The following CCDC85A variants were observed in gnomAD, a reference collection of about 807,000 sequenced individuals.
The protein encoded by CCDC85A is coiled-coil domain containing 85A.
In CCDC85A, 38 loss-of-function variants were observed where a neutral mutation model predicts 50.2. That is an observed-to-expected ratio of 0.76 (90% CI 0.58 to 0.99). The LOEUF (loss-of-function observed/expected upper bound fraction) is 0.99, where lower values mean the gene tolerates loss of function less well. Among genes scored for constraint, CCDC85A ranks in the 50% least tolerant of loss-of-function variants. The pLI is 0.00. For missense variants in CCDC85A, 820 were observed against 742.0 expected (o/e 1.11, Z -1.22); for synonymous variants, 366 against 301.4 (o/e 1.21, Z -2.22).
At chr2:56,266,515 A>G (rs1670446992) in intron 2 of CCDC85A, among the ~76,000 whole-genome samples, 1 of 150,960 alleles carries the variant, frequency 6.6e-6, no homozygotes, top group Non-Finnish European at 1.5e-5. Context: ...CACAATGTAT[A>G]GATGTATCAA....
intron 2 of CCDC85A, among the ~76,000 whole-genome samples, chr2:56,260,871 G>T (rs997663123): frequency 2.0e-5 from 3 of 152,126 alleles, no homozygotes; most frequent in Admixed American, 2.0e-4. Flanking sequence ...TCTCTCTATT[G>T]CTTGAGGGAG....
chr2:56,285,896 G>C (rs889373747), intron 2 of CCDC85A, among the ~76,000 whole-genome samples: 1 of 151,920 alleles, frequency 6.6e-6, no homozygotes, highest in Non-Finnish European at 1.5e-5. Context: ...TTGTAGTACA[G>C]GTCTGTTGGA....
intron 1 of CCDC85A, among the ~76,000 whole-genome samples, chr2:56,190,467 A>G (rs1001154126): frequency 3.3e-5 from 5 of 152,194 alleles, no homozygotes; most frequent in African/African-American, 1.2e-4. Flanking sequence ...TCTAGAGAAG[A>G]TGTAGTCTAG....
At chr2:56,338,846 A>G (rs974141) in intron 2 of CCDC85A, among the ~76,000 whole-genome samples, 1,731 of 152,070 alleles carry the variant, frequency 0.011, 25 homozygotes, top group African/African-American at 0.033. Context: ...TTCCAGAAAA[A>G]TATTTTTCTA....
chr2:56,344,528 A>G (rs1016014772), intron 3 of CCDC85A, among the ~76,000 whole-genome samples: 2 of 152,196 alleles, frequency 1.3e-5, no homozygotes, highest in African/African-American at 2.4e-5. Flanking sequence ...TAAGGGTGGA[A>G]TTCTGTACTT....
chr2:56,309,447 T>C (rs1672592172), intron 2 of CCDC85A, among the ~76,000 whole-genome samples: 1 of 152,192 alleles, frequency 6.6e-6, no homozygotes, highest in African/African-American at 2.4e-5. Context: ...TTTTATGGTA[T>C]AGTGATAGTT....
intron 2 of CCDC85A, among the ~76,000 whole-genome samples, chr2:56,315,735 A>T (rs1047361038): frequency 5.9e-5 from 9 of 152,222 alleles, no homozygotes; most frequent in Admixed American, 3.3e-4. Context: ...GATAGGTGGG[A>T]TTTGTAAATT....
chr2:56,378,133 A>G (rs1676425060), intron 5 of CCDC85A, among the ~76,000 whole-genome samples: 1 of 152,186 alleles, frequency 6.6e-6, no homozygotes, highest in African/African-American at 2.4e-5. Flanking sequence ...TATAAGAAAA[A>G]GAAATTATGG....
intron 2 of CCDC85A, among the ~76,000 whole-genome samples, chr2:56,274,626 A>G (rs1351310514): frequency 6.6e-6 from 1 of 152,200 alleles, no homozygotes; most frequent in Non-Finnish European, 1.5e-5. Flanking sequence ...TACATTCACA[A>G]TACCTTCACA....
At chr2:56,214,497 T>C (rs971779457) in intron 2 of CCDC85A, among the ~76,000 whole-genome samples, 1 of 152,012 alleles carries the variant, frequency 6.6e-6, no homozygotes. Context: ...GATTTTGCAG[T>C]GTACGTTTAG....
At position 56,356,081 on chromosome 2, in the gene CCDC85A, A is replaced by G. The variant is rs1037751354; in HGVS notation, c.1317+13126A>G. Reference sequence around the variant, plus strand: ...TCATATGTGATGAAATTTAATATCTATAACTACAGAAATCTCATAAGAGGA... The same window carrying G: ...TCATATGTGATGAAATTTAATATCTGTAACTACAGAAATCTCATAAGAGGA... On this transcript the variant is annotated intron_variant, in intron 3 of 5. Coordinates refer to ENST00000407595, the MANE Select transcript of CCDC85A (RefSeq NM_001080433.2). 4.6e-5 allele frequency among the ~76,000 whole-genome samples: 7 copies of G among 152,244 alleles called. No homozygotes were observed. The East Asian group carries it at 9.6e-4, about 21-fold the overall frequency.
At chr2:56,263,151 C>T (rs4287804) in intron 2 of CCDC85A, among the ~76,000 whole-genome samples, 67 of 152,264 alleles carry the variant, frequency 4.4e-4, no homozygotes, top group African/African-American at 1.4e-3. Flanking sequence ...TATAGAAATA[C>T]AGTATAATCC....
At chr2:56,383,583 A>G (rs1676692199) in intron 5 of CCDC85A, 3 of 985,010 alleles carry the variant, frequency 3.0e-6, no homozygotes, top group Non-Finnish European at 3.6e-6. Flanking sequence ...ATTTATTCTT[A>G]TCATCTGCCT....
intron 2 of CCDC85A, among the ~76,000 whole-genome samples, chr2:56,258,347 G>T (rs995668869): frequency 3.9e-5 from 6 of 152,186 alleles, no homozygotes; most frequent in Admixed American, 1.3e-4. Context: ...TAAAACCAGG[G>T]TGTAAGAAGT....
Position 56,184,665 on chromosome 2 carries a change from C to T in CCDC85A, c.41C>T (p.Ala14Val), listed in dbSNP as rs1675917894. Residue 14 changes from alanine (A) to valine (V), a missense_variant, in exon 1 of 6, where the codon GCG (alanine) becomes GTG (valine). Physicochemically the swap from Ala to Val is moderately conservative, Grantham distance 64. Transcript: ENST00000407595. ...GGAGGCGCGGCGGCGGCTGCGGCGG[C>T]GGCGGAAAGTTGTTCCCCAGCCCCG... ...AAGGAAAAAAAAESCSPAPAG... is the reference protein window; with the variant it reads ...AAGGAAAAAAVAESCSPAPAG... The T allele has an allele frequency of 1.4e-6, 2 of 1,457,592 alleles. No individual in the cohort carries two copies. Among genetic ancestry groups the T allele is most frequent in the Admixed American group, 3.0e-5 (1 of 33,420 alleles). 90.3% of individuals were successfully genotyped at this position (1,457,592 alleles called of 1,614,324 possible). A position where few individuals can be genotyped will look rare whatever the true frequency, so the allele number is the denominator to read the frequency against.
chr2:56,312,798 C>A (rs922135381), intron 2 of CCDC85A, among the ~76,000 whole-genome samples: 2 of 152,068 alleles, frequency 1.3e-5, no homozygotes, highest in Non-Finnish European at 2.9e-5. Context: ...TTATTCAGCA[C>A]CTATTATGTA....
intron 3 of CCDC85A, among the ~76,000 whole-genome samples, chr2:56,358,129 CTG>C (rs1196941384): frequency 6.6e-6 from 1 of 152,172 alleles, no homozygotes; most frequent in East Asian, 1.9e-4. Context: ...GCAAGATAAT[CTG>C]TGAAAATGAC....
chr2:56,381,784 A>G (rs1029847226), intron 5 of CCDC85A, among the ~76,000 whole-genome samples: 2 of 152,060 alleles, frequency 1.3e-5, no homozygotes, highest in Admixed American at 6.6e-5. Context: ...ATTTCTGGAC[A>G]TTAGAAAATT....
At chr2:56,275,542 C>T (rs533365094) in intron 2 of CCDC85A, among the ~76,000 whole-genome samples, 3 of 152,158 alleles carry the variant, frequency 2.0e-5, no homozygotes, top group East Asian at 1.9e-4. Flanking sequence ...TTCACTTTTT[C>T]GCTGTTTGTC....
Sources: allele counts gnomAD v4.1 joint callset (sites outside exome capture counted in the v4.1 genomes callset), GRCh38; gene constraint gnomAD v4.1.1; transcripts MANE v1.5; gene names NCBI Gene and HGNC (gene_info 2026-07-23, HGNC 2026-07-21).